RREB1: variants seen among roughly 807,000 people sequenced by gnomAD.
RREB1 encodes the protein ras responsive element binding protein 1.
In RREB1, 27 loss-of-function variants were observed where a neutral mutation model predicts 117.8. The observed-to-expected ratio is 0.23, with a 90% CI of 0.17 to 0.32. The LOEUF is 0.32. RREB1 is among the 10% of genes least tolerant of loss of function. The pLI is 1.00. For synonymous variants in RREB1, 1,298 were observed against 1,026.7 expected, an observed-to-expected ratio of 1.26 and a Z score of -5.05; for missense variants, 2,577 against 2,378.2, an observed-to-expected ratio of 1.08 and a Z score of -1.74.
Position 7,231,350 on chromosome 6 carries a change from C to A in RREB1, c.3251C>A (p.Thr1084Asn). 6.2e-7 allele frequency: 1 copy of A among 1,612,606 alleles called. No homozygotes were observed. The highest frequency in any genetic ancestry group is 8.5e-7 in the Non-Finnish European group (1 of 1,179,264). Residue 1084 changes from threonine (T) to asparagine (N), a missense_variant, in exon 10 of 13, where the codon ACC becomes AAC. Coordinates refer to ENST00000379938, the MANE Select transcript of RREB1 (RefSeq NM_001003699.4). ...SVSSAPTLLK[T>N]KVADPGPAST... is the part of the protein sequence containing the mutation. ...TCCTCGGCCCCCACCCTGCTGAAAA[C>A]CAAGGTGGCGGACCCAGGGCCCGCA...
chr6:7,149,361 T>C (rs1763013183), intron 1 of RREB1, among the ~76,000 whole-genome samples: 1 of 152,188 alleles, frequency 6.6e-6, no homozygotes, highest in Admixed American at 6.5e-5. Context: ...AAACATAGTC[T>C]CTGTAGAAAA....
At chr6:7,132,369 C>CT (rs35379140) in intron 1 of RREB1, among the ~76,000 whole-genome samples, 70,669 of 151,834 alleles carry the variant, frequency 0.47, 19,757 homozygotes, top group Non-Finnish European at 0.63. Flanking sequence ...TTGGGTTTTA[C>CT]TGTGTTGCCC....
At chr6:7,143,587 A>G (rs1364867779) in intron 1 of RREB1, among the ~76,000 whole-genome samples, 1 of 152,044 alleles carries the variant, frequency 6.6e-6, no homozygotes, top group Non-Finnish European at 1.5e-5. Context: ...GGGCCTCTTT[A>G]TCTAGACCGT....
At chr6:7,211,062 A>C in intron 7 of RREB1, 114 bp downstream of exon 7, 1 of 1,064,774 alleles carries the variant, frequency 9.4e-7, no homozygotes, top group Non-Finnish European at 1.4e-6. Flanking sequence ...TAAGCTCTTA[A>C]CGTGTGTTTT....
intron 1 of RREB1, among the ~76,000 whole-genome samples, chr6:7,112,595 CAAAGGTAAAA>C (rs1260896792): frequency 1.3e-5 from 2 of 152,020 alleles, no homozygotes; most frequent in African/African-American, 4.8e-5. Context: ...TACCTTATAT[CAAAGGTAAAA>C]GGTACACCGT....
chr6:7,243,738 C>G (rs1393099293), intron 11 of RREB1, among the ~76,000 whole-genome samples: 1 of 152,150 alleles, frequency 6.6e-6, no homozygotes, highest in African/African-American at 2.4e-5. Context: ...TCCGGGTGAT[C>G]TCTCTCCATT....
intron 2 of RREB1, among the ~76,000 whole-genome samples, chr6:7,180,088 G>A (rs2113526083): frequency 6.6e-6 from 1 of 152,292 alleles, no homozygotes; most frequent in African/African-American, 2.4e-5. Flanking sequence ...TGGACAAAGA[G>A]GCTGGATCCA....
Position 7,248,508 on chromosome 6 carries a change from C to T in RREB1, c.4772-3C>T, listed in dbSNP as rs1489298121. On this transcript the variant is annotated splice_polypyrimidine_tract_variant and splice_region_variant and intron_variant, in intron 12 of 12. Coordinates refer to ENST00000379938, the MANE Select transcript of RREB1 (RefSeq NM_001003699.4). ...ATGGAAATTCTTTCTTCCATTGTTC[C>T]AGGGGAAAGGCCATACAAATGTCAG... 1.2e-6 allele frequency: 2 copies of T among 1,613,270 alleles called. No homozygotes were observed. Among genetic ancestry groups the T allele is most frequent in the Non-Finnish European group, 8.5e-7 (1 of 1,179,406 alleles).
At chr6:7,244,143 A>G (rs1399047871) in intron 11 of RREB1, among the ~76,000 whole-genome samples, 1 of 151,832 alleles carries the variant, frequency 6.6e-6, no homozygotes, top group African/African-American at 2.4e-5. Context: ...CACACCTGTA[A>G]TCCCAGCTAC....
chr6:7,123,335 G>C (rs540773759), intron 1 of RREB1, among the ~76,000 whole-genome samples: 1 of 151,464 alleles, frequency 6.6e-6, no homozygotes, highest in East Asian at 2.0e-4. Context: ...CTAATTTTTT[G>C]TATTTTAATG....
In RREB1 at chr6:7,229,607, A is replaced by G; in HGVS notation, c.1508A>G (p.His503Arg). Residue 503 changes from histidine (H) to arginine (R), a missense_variant, in exon 10 of 13, where the codon CAC becomes CGC. His to Arg is a conservative substitution (Grantham distance 29, BLOSUM62 0). Transcript: ENST00000379938. This position sits in a 1 kb window ranked among gnomAD's most constrained non-coding sequence, Gnocchi z 4.5. ...PAAPLQAIFK[H>R]MPPLKPKPLV... ...GCCCCACTGCAGGCGATCTTCAAGC[A>G]CATGCCCCCTCTGAAGCCAAAGCCC... 1 of 1,612,674 alleles carries G rather than the reference A, an allele frequency of 6.2e-7. No homozygotes were observed.
intron 1 of RREB1, among the ~76,000 whole-genome samples, chr6:7,166,888 G>T (rs1465045889): frequency 6.6e-6 from 1 of 152,158 alleles, no homozygotes; most frequent in Non-Finnish European, 1.5e-5. Context: ...CGACCTCAGG[G>T]CCTGTGAAAG....
intron 8 of RREB1, among the ~76,000 whole-genome samples, chr6:7,224,495 A>G (rs955001462): frequency 1.3e-5 from 2 of 151,864 alleles, no homozygotes; most frequent in African/African-American, 4.8e-5. Context: ...GGGAGGGTGC[A>G]ATTGAACTTG....
chr6:7,183,890 T>G (rs1418786897), intron 4 of RREB1: 1 of 152,218 alleles, frequency 6.6e-6, no homozygotes, highest in Non-Finnish European at 1.5e-5. Flanking sequence ...GTCCCATTGG[T>G]GTGAGCTTAG....
chr6:7,230,189 G>T lies in RREB1; in HGVS notation c.2090G>T (p.Arg697Leu). ...CACCTGCGCACGCACAGTGGGGAGCGGCCCTACATTTGCAAGATCTGCCAC... is the reference window on the plus strand; with the variant it reads ...CACCTGCGCACGCACAGTGGGGAGCTGCCCTACATTTGCAAGATCTGCCAC... ...IRHLRTHSGE[R>L]PYICKICHYP... Residue 697 changes from arginine (R) to leucine (L), a missense_variant, in exon 10 of 13, where the codon CGG (arginine) becomes CTG (leucine). Arg to Leu is a moderately radical substitution (Grantham distance 102, BLOSUM62 -2). Transcript: ENST00000379938. The T allele has an allele frequency of 6.2e-7, 1 of 1,606,384 alleles. No homozygotes were observed.
rs985308189 is a variant in RREB1, at chr6:7,181,969, A to G, written c.58A>G (p.Met20Val). Residue 20 changes from methionine (M) to valine (V), a missense_variant, in exon 4 of 13, where the codon ATG (methionine) becomes GTG (valine). Physicochemically the swap from Met to Val is conservative, Grantham distance 21. Transcript: ENST00000379938. Reference sequence around the variant, plus strand: ...TTCAGACCTATCTTCCATCAACACCATGATGTCGGCGGTCATGAGTGTAGG... The same window carrying G: ...TTCAGACCTATCTTCCATCAACACCGTGATGTCGGCGGTCATGAGTGTAGG... ...EGSDLSSINT[M>V]MSAVMSVGKV... The G allele has an allele frequency of 3.1e-6, 5 of 1,614,152 alleles. No homozygotes were observed. Among genetic ancestry groups the G allele is most frequent in the African/African-American group, 1.3e-5 (1 of 75,052 alleles).
intron 1 of RREB1, among the ~76,000 whole-genome samples, chr6:7,164,925 ATAG>A (rs1763850085): frequency 6.6e-6 from 1 of 152,264 alleles, no homozygotes; most frequent in African/African-American, 2.4e-5. Flanking sequence ...TATTTTAAGA[ATAG>A]TAGTGTAAAC....
chr6:7,211,103 A>G (rs370476396), intron 7 of RREB1, among the ~76,000 whole-genome samples, 155 bp downstream of exon 7: 10 of 152,350 alleles, frequency 6.6e-5, no homozygotes, highest in African/African-American at 2.4e-4. Flanking sequence ...TGTCTAAGAA[A>G]AGAGTACCAG....
chr6:7,193,628 T>G (rs1765522082), intron 6 of RREB1, among the ~76,000 whole-genome samples: 3 of 152,202 alleles, frequency 2.0e-5, no homozygotes. Context: ...TTTTTTGGAA[T>G]ATTTGCACAT....
Sources: gnomAD v4.1 joint callset for allele counts (sites outside exome capture counted in the v4.1 genomes callset) on GRCh38, gnomAD v4.1.1 for gene constraint, Gnocchi (gnomAD v3.1) non-coding constraint, MANE v1.5 for transcripts, NCBI Gene and HGNC (gene_info 2026-07-23, HGNC 2026-07-21) for gene names.